SPOCK3: variants seen among roughly 807,000 people sequenced by gnomAD.
SPOCK3 encodes testican-3.
A neutral mutation model predicts 56.6 loss-of-function variants in SPOCK3; 30 were observed. The observed-to-expected ratio is 0.53, with a 90% CI of 0.40 to 0.72. The LOEUF is 0.72. Among genes scored for constraint, SPOCK3 ranks in the 30% least tolerant of loss-of-function variants. SPOCK3 has a pLI of 0.00. For missense variants in SPOCK3, 527 were observed against 530.0 expected (o/e 0.99, Z 0.06); for synonymous variants, 196 against 183.3 (o/e 1.07, Z -0.56).
intron 6 of SPOCK3, among the ~76,000 whole-genome samples, chr4:166,855,532 G>GA (rs1284634168): frequency 4.6e-5 from 7 of 150,878 alleles, no homozygotes; most frequent in Admixed American, 3.3e-4. Flanking sequence ...TTATACACAG[G>GA]AAAAAATATT....
intron 2 of SPOCK3, among the ~76,000 whole-genome samples, chr4:167,130,662 TA>T (rs537310797): frequency 5.9e-5 from 9 of 151,978 alleles, no homozygotes; most frequent in Admixed American, 5.9e-4. Context: ...AAATGGCAGT[TA>T]AAAAAAACCC....
intron 4 of SPOCK3, among the ~76,000 whole-genome samples, chr4:166,979,452 C>A (rs1746342898): frequency 6.6e-6 from 1 of 152,162 alleles, no homozygotes; most frequent in Non-Finnish European, 1.5e-5. Context: ...AATCTAATTT[C>A]TAATTTCCTA....
In SPOCK3 at chr4:166,734,969, ATCT is replaced by A. The variant is rs775819671; in HGVS notation, c.1251_1253del (p.Glu417del). ...CACCACCATCATCATCATCCCCTTC[ATCT>A]TCATCATCATCTTCAATTTCATCTT... On this transcript the variant is annotated inframe_deletion, in exon 11 of 11. Transcript: ENST00000357545. The A allele has an allele frequency of 5.9e-6, 9 of 1,516,300 alleles. No individual in the cohort carries two copies. Among genetic ancestry groups the A allele is most frequent in the Admixed American group, 3.4e-5 (2 of 59,426 alleles). The allele number at this position is 1,516,300 out of a possible 1,614,324, so 93.9% of individuals were successfully genotyped here.
chr4:166,958,103 G>A (rs1743709066), intron 4 of SPOCK3, among the ~76,000 whole-genome samples: 1 of 152,186 alleles, frequency 6.6e-6, no homozygotes, highest in Non-Finnish European at 1.5e-5. Context: ...CCTGGTGGGA[G>A]TTGATTGGAC....
At chr4:166,995,854 T>C (rs1335031285) in intron 4 of SPOCK3, among the ~76,000 whole-genome samples, 1 of 152,132 alleles carries the variant, frequency 6.6e-6, no homozygotes, top group Non-Finnish European at 1.5e-5. Context: ...TAAGAAGCAT[T>C]ATTTTTAAAT....
chr4:167,151,445 T>C (rs935865913), intron 2 of SPOCK3, among the ~76,000 whole-genome samples: 3 of 149,618 alleles, frequency 2.0e-5, no homozygotes, highest in African/African-American at 7.4e-5. Flanking sequence ...CTTTTTTTTT[T>C]TTTTTTTGAG....
At chr4:167,043,525 C>T (rs1753421444) in intron 3 of SPOCK3, among the ~76,000 whole-genome samples, 1 of 151,936 alleles carries the variant, frequency 6.6e-6, no homozygotes, top group Admixed American at 6.6e-5. Flanking sequence ...ATTCTTATTC[C>T]TGAAGCTTAG....
At chr4:166,894,433 G>T (rs1735137156) in intron 5 of SPOCK3, among the ~76,000 whole-genome samples, 1 of 152,046 alleles carries the variant, frequency 6.6e-6, no homozygotes, top group South Asian at 2.1e-4. Flanking sequence ...GACCCACAGA[G>T]TCCTGAGAAT....
At chr4:167,197,857 G>T (rs1422962984) in intron 2 of SPOCK3, among the ~76,000 whole-genome samples, 1 of 152,074 alleles carries the variant, frequency 6.6e-6, no homozygotes, top group African/African-American at 2.4e-5. Context: ...CATTTATAAA[G>T]GACAGATCCA....
chr4:167,233,886 A>G, intron 2 of SPOCK3, 99 bp downstream of exon 2: 2 of 1,049,526 alleles, frequency 1.9e-6, no homozygotes. Context: ...CCCTCTCCTC[A>G]GAAAACGGAG....
chr4:167,201,778 T>C (rs1316188057), intron 2 of SPOCK3, among the ~76,000 whole-genome samples: 2 of 151,808 alleles, frequency 1.3e-5, no homozygotes, highest in African/African-American at 4.8e-5. Flanking sequence ...AGCAGTATTG[T>C]AGGAGAATGA....
intron 4 of SPOCK3, among the ~76,000 whole-genome samples, chr4:166,946,886 A>G (rs73861913): frequency 0.026 from 3,946 of 152,302 alleles, 154 homozygotes; most frequent in African/African-American, 0.089. Context: ...GAATGGATAA[A>G]TGAAGGTGTT....
chr4:167,128,510 T>C (rs1456360802), intron 2 of SPOCK3, among the ~76,000 whole-genome samples: 1 of 152,172 alleles, frequency 6.6e-6, no homozygotes, highest in Non-Finnish European at 1.5e-5. Context: ...CCCATTCCCG[T>C]ATAGCATATG....
intron 6 of SPOCK3, among the ~76,000 whole-genome samples, chr4:166,812,912 G>C (rs959427377): frequency 6.6e-6 from 1 of 151,900 alleles, no homozygotes; most frequent in African/African-American, 2.4e-5. Context: ...CTTTTGGGGG[G>C]TTGGTGGGAG....
chr4:167,122,331 G>A (rs1461317583), intron 2 of SPOCK3, among the ~76,000 whole-genome samples: 1 of 152,020 alleles, frequency 6.6e-6, no homozygotes, highest in African/African-American at 2.4e-5. Flanking sequence ...TTTTTGATCT[G>A]TGGAGACGGG....
At chr4:166,973,507 C>A (rs1745612072) in intron 4 of SPOCK3, among the ~76,000 whole-genome samples, 1 of 152,098 alleles carries the variant, frequency 6.6e-6, no homozygotes, top group African/African-American at 2.4e-5. Flanking sequence ...GAGTTCATTA[C>A]AGGTTATTGT....
At chr4:167,006,275 C>A (rs1749462839) in intron 3 of SPOCK3, among the ~76,000 whole-genome samples, 1 of 152,134 alleles carries the variant, frequency 6.6e-6, no homozygotes, top group Non-Finnish European at 1.5e-5. Context: ...AATTACAAAA[C>A]CTGAATAATT....
intron 2 of SPOCK3, among the ~76,000 whole-genome samples, chr4:167,183,566 G>A (rs1731684476): frequency 6.6e-6 from 1 of 151,992 alleles, no homozygotes; most frequent in Non-Finnish European, 1.5e-5. Context: ...AAAAGAGTCT[G>A]AACAAAACAA....
At chr4:166,740,509 T>C (rs909211698) in intron 9 of SPOCK3, among the ~76,000 whole-genome samples, 1 of 78,868 alleles carries the variant, frequency 1.3e-5, no homozygotes, top group African/African-American at 5.7e-5. Context: ...ATTATTATTA[T>C]TATTATTATT....
Sources: gnomAD v4.1 joint callset for allele counts (sites outside exome capture counted in the v4.1 genomes callset) on GRCh38, gnomAD v4.1.1 for gene constraint, MANE v1.5 for transcripts, NCBI Gene and HGNC (gene_info 2026-07-23, HGNC 2026-07-21) for gene names.